The following NRXN3 variants were observed in gnomAD, a reference collection of about 807,000 sequenced individuals.
NRXN3 encodes neurexin 3, also known as neurexin III.
In NRXN3, 32 loss-of-function variants were observed where a neutral mutation model predicts 137.6. The observed-to-expected ratio is 0.23, with a 90% confidence interval of 0.18 to 0.31. The LOEUF is 0.31. Ranked by LOEUF, NRXN3 falls within the 10% of genes least tolerant of loss-of-function variation. The pLI, the probability that NRXN3 is intolerant of heterozygous loss-of-function variation, is 1.00. For synonymous variants in NRXN3, 798 were observed against 784.5 expected (o/e 1.02, Z -0.29); for missense variants, 1,574 against 2,062.5 (o/e 0.76, Z 4.59).
chr14:78,290,460 G>T (rs1020589266), intron 3 of NRXN3, among the ~76,000 whole-genome samples: 1 of 152,106 alleles, frequency 6.6e-6, no homozygotes, highest in Non-Finnish European at 1.5e-5. Context: ...GAAGGTCAGG[G>T]AATTACTCAG....
intron 15 of NRXN3, among the ~76,000 whole-genome samples, chr14:79,158,782 A>T (rs1373137740): frequency 6.6e-6 from 1 of 151,908 alleles, no homozygotes; most frequent in Non-Finnish European, 1.5e-5. Flanking sequence ...AAAGAACTGA[A>T]GGTCCTGAAA....
intron 15 of NRXN3, among the ~76,000 whole-genome samples, chr14:79,384,270 G>T (rs1160933202): frequency 6.6e-6 from 1 of 152,104 alleles, no homozygotes; most frequent in Non-Finnish European, 1.5e-5. Flanking sequence ...GGAAGAGAGG[G>T]GAAGGGAGGC....
intron 15 of NRXN3, among the ~76,000 whole-genome samples, chr14:79,197,182 T>G (rs2065249707): frequency 6.6e-6 from 1 of 152,170 alleles, no homozygotes; most frequent in African/African-American, 2.4e-5. Context: ...TATATCCACT[T>G]AAGAAAAATG....
chr14:78,900,925 A>T (rs1430394968), intron 10 of NRXN3, among the ~76,000 whole-genome samples: 2 of 152,036 alleles, frequency 1.3e-5, no homozygotes, highest in Non-Finnish European at 1.5e-5. Flanking sequence ...TGACAGATAC[A>T]CAAGTCCAAG....
intron 4 of NRXN3, among the ~76,000 whole-genome samples, chr14:78,598,337 C>G (rs1054643443): frequency 1.1e-4 from 16 of 152,056 alleles, no homozygotes; most frequent in African/African-American, 3.6e-4. Context: ...GCTCGGGATT[C>G]TTTCAGCACA....
intron 1 of NRXN3, among the ~76,000 whole-genome samples, chr14:78,240,417 T>C (rs1324913435): frequency 6.6e-6 from 1 of 152,196 alleles, no homozygotes; most frequent in Non-Finnish European, 1.5e-5. Flanking sequence ...ACATGGGCTA[T>C]ACAGGGGATC....
At chr14:79,771,205 A>C (rs926873486) in intron 19 of NRXN3, among the ~76,000 whole-genome samples, 5 of 152,306 alleles carry the variant, frequency 3.3e-5, no homozygotes, top group Admixed American at 2.6e-4. Flanking sequence ...TACAAGGAGG[A>C]ACTGGTACCA....
intron 6 of NRXN3, among the ~76,000 whole-genome samples, chr14:78,658,649 G>A (rs559715015): frequency 1.4e-4 from 21 of 152,262 alleles, no homozygotes; most frequent in Non-Finnish European, 2.6e-4. Flanking sequence ...TGTAAAATGA[G>A]GATAGTAATC....
intron 17 of NRXN3, among the ~76,000 whole-genome samples, chr14:79,670,465 T>C (rs1348110812): frequency 6.6e-6 from 1 of 152,104 alleles, no homozygotes; most frequent in Non-Finnish European, 1.5e-5. Flanking sequence ...AGTTTCTCTA[T>C]GCTTTGATCT....
chr14:79,859,151 A>AT (rs1038328146), intron 20 of NRXN3, among the ~76,000 whole-genome samples: 61 of 152,086 alleles, frequency 4.0e-4, no homozygotes, highest in Non-Finnish European at 7.4e-4. Context: ...TCAAAAAGGT[A>AT]TTTTTTTAAA....
chr14:78,888,242 T>C (rs1268424662), intron 10 of NRXN3, among the ~76,000 whole-genome samples: 2 of 152,048 alleles, frequency 1.3e-5, no homozygotes, highest in East Asian at 3.9e-4. Context: ...ACATGACAGA[T>C]GTAGGAAGTC....
At chr14:79,695,565 T>G (rs567614910) in intron 18 of NRXN3, among the ~76,000 whole-genome samples, 1 of 151,624 alleles carries the variant, frequency 6.6e-6, no homozygotes, top group Non-Finnish European at 1.5e-5. Context: ...CAAATGCCTC[T>G]GTGGGGTTGA....
At chr14:78,382,596 G>T (rs1014173008) in intron 4 of NRXN3, among the ~76,000 whole-genome samples, 1 of 152,204 alleles carries the variant, frequency 6.6e-6, no homozygotes. Flanking sequence ...GTAAATAAGA[G>T]ATTTAAGTGA....
chr14:79,183,964 A>G (rs1180702015), intron 15 of NRXN3, among the ~76,000 whole-genome samples: 1 of 152,192 alleles, frequency 6.6e-6, no homozygotes, highest in Non-Finnish European at 1.5e-5. Context: ...CTGGGGAACC[A>G]CAGAGAGTCT....
chr14:79,222,679 C>T (rs2070003611), intron 15 of NRXN3, among the ~76,000 whole-genome samples: 1 of 152,150 alleles, frequency 6.6e-6, no homozygotes, highest in Admixed American at 6.6e-5. Flanking sequence ...GACATCTTTA[C>T]CAGCATTTAA....
chr14:78,754,128 G>A (rs1257549098), intron 8 of NRXN3, among the ~76,000 whole-genome samples: 1 of 152,164 alleles, frequency 6.6e-6, no homozygotes, highest in Non-Finnish European at 1.5e-5. Context: ...GTAGTTCGAG[G>A]TTAGGCGTTA....
chr14:79,220,365 C>T (rs2069350170), intron 15 of NRXN3, among the ~76,000 whole-genome samples: 1 of 152,158 alleles, frequency 6.6e-6, no homozygotes, highest in East Asian at 1.9e-4. Context: ...TCATAAACCT[C>T]TTCCTATGCC....
chr14:79,850,594 A>C lies in NRXN3; in HGVS notation c.4094-10748A>C, dbSNP rs531910899. 1.3e-3 allele frequency among the ~76,000 whole-genome samples: 198 copies of C among 152,336 alleles called. 2 individuals carry two copies. Among genetic ancestry groups the C allele is most frequent in the South Asian group, 0.011 (55 of 4,826 alleles). On this transcript the variant is annotated intron_variant, in intron 20 of 20. Coordinates refer to ENST00000335750, the MANE Select transcript of NRXN3 (RefSeq NM_001330195.2). ...AGCTATTAGGACATGGTGGGATAAA[A>C]ATGGTAGTATCGAAATATACTGTTT...
chr14:78,813,617 C>G (rs2098921777), intron 10 of NRXN3, among the ~76,000 whole-genome samples: 1 of 151,994 alleles, frequency 6.6e-6, no homozygotes, highest in Non-Finnish European at 1.5e-5. Flanking sequence ...AATGCCTGTC[C>G]TCTGAAAAGT....
Sources: allele counts gnomAD v4.1 joint callset (sites outside exome capture counted in the v4.1 genomes callset), GRCh38; gene constraint gnomAD v4.1.1; transcripts MANE v1.5; gene names NCBI Gene and HGNC (gene_info 2026-07-23, HGNC 2026-07-21).